PDZRN4: variants seen among roughly 807,000 people sequenced by gnomAD.
PDZRN4 encodes PDZ domain-containing RING finger protein 4.
A neutral mutation model predicts 99.0 loss-of-function variants in PDZRN4; 70 were observed. The observed-to-expected ratio is 0.71, with a 90% CI of 0.58 to 0.86. The LOEUF (loss-of-function observed/expected upper bound fraction) is 0.86, where lower values mean the gene tolerates loss of function less well. PDZRN4 is among the 40% of genes least tolerant of loss of function. The pLI is 0.00. For missense variants in PDZRN4, 1,474 were observed against 1,331.2 expected, an observed-to-expected ratio of 1.11 and a Z score of -1.67; for synonymous variants, 551 against 501.6, an observed-to-expected ratio of 1.10 and a Z score of -1.32.
At chr12:41,365,524 G>T (rs553451284) in intron 3 of PDZRN4, among the ~76,000 whole-genome samples, 153 of 152,124 alleles carry the variant, frequency 1.0e-3, no homozygotes, top group African/African-American at 3.0e-3. Context: ...TAATCATTAT[G>T]AAATAAATTA....
intron 3 of PDZRN4, among the ~76,000 whole-genome samples, chr12:41,325,608 C>A (rs1433870930): frequency 1.3e-5 from 2 of 152,060 alleles, no homozygotes; most frequent in African/African-American, 4.8e-5. Flanking sequence ...AGAAGGTCAG[C>A]TACGGGTTAG....
chr12:41,369,753 A>G (rs183496836), intron 3 of PDZRN4, among the ~76,000 whole-genome samples: 303 of 152,182 alleles, frequency 2.0e-3, no homozygotes, highest in African/African-American at 6.6e-3. Flanking sequence ...TGCTCTTTAT[A>G]AAGTAGCAGT....
rs554844178 is a variant in PDZRN4, at chr12:41,312,926, G to A, written c.843+118738G>A. On this transcript the variant is annotated intron_variant, in intron 3 of 9. Transcript: ENST00000402685. Reference sequence around the variant, plus strand: ...CTCCAGTGTCCGTTATGGCCAAATCGCACTGCCCTTCTTAGTGTTATGCCC... The same window carrying A: ...CTCCAGTGTCCGTTATGGCCAAATCACACTGCCCTTCTTAGTGTTATGCCC... 1.2e-3 allele frequency among the ~76,000 whole-genome samples: 187 copies of A among 152,164 alleles called. 1 individual carries two copies. The highest frequency in any genetic ancestry group is 6.8e-4 in the Non-Finnish European group (46 of 68,004).
At chr12:41,545,339 T>C (rs1220164207) in intron 5 of PDZRN4, among the ~76,000 whole-genome samples, 4 of 152,166 alleles carry the variant, frequency 2.6e-5, no homozygotes, top group Non-Finnish European at 2.9e-5. Flanking sequence ...CCTCTGTGCC[T>C]TTGCATGGTC....
chr12:41,450,890 T>C (rs1043162357), intron 3 of PDZRN4, among the ~76,000 whole-genome samples: 3 of 152,172 alleles, frequency 2.0e-5, no homozygotes, highest in African/African-American at 7.2e-5. Context: ...ATTGTGCCAC[T>C]GCACCCCTGC....
intron 3 of PDZRN4, among the ~76,000 whole-genome samples, chr12:41,411,279 C>T (rs769797047): frequency 6.6e-6 from 1 of 152,054 alleles, no homozygotes; most frequent in Non-Finnish European, 1.5e-5. Context: ...AAGTACAGCT[C>T]TCCTATTTGT....
intron 3 of PDZRN4, among the ~76,000 whole-genome samples, chr12:41,437,399 T>A (rs1952639360): frequency 6.6e-6 from 1 of 152,230 alleles, no homozygotes; most frequent in African/African-American, 2.4e-5. Flanking sequence ...TCTGAATTTC[T>A]TATTCCCATA....
At chr12:41,416,347 A>G (rs959733586) in intron 3 of PDZRN4, among the ~76,000 whole-genome samples, 8 of 152,192 alleles carry the variant, frequency 5.3e-5, no homozygotes, top group African/African-American at 1.7e-4. Flanking sequence ...CTTTCTGATT[A>G]AAAACATTTG....
At chr12:41,236,026 T>G (rs1213666870) in intron 3 of PDZRN4, among the ~76,000 whole-genome samples, 1 of 152,120 alleles carries the variant, frequency 6.6e-6, no homozygotes, top group African/African-American at 2.4e-5. Flanking sequence ...AACTCTACAT[T>G]TATTTGAAAT....
chr12:41,373,110 G>T (rs1211779733), intron 3 of PDZRN4, among the ~76,000 whole-genome samples: 1 of 152,152 alleles, frequency 6.6e-6, no homozygotes. Flanking sequence ...GGGAGTGTAT[G>T]AATAGGGTGT....
At chr12:41,433,050 T>G (rs891102765) in intron 3 of PDZRN4, among the ~76,000 whole-genome samples, 4 of 152,226 alleles carry the variant, frequency 2.6e-5, no homozygotes, top group South Asian at 4.1e-4. Flanking sequence ...TACTGATTAT[T>G]GTGGGACATT....
At chr12:41,206,707 G>T (rs1950853555) in intron 3 of PDZRN4, among the ~76,000 whole-genome samples, 2 of 151,794 alleles carry the variant, frequency 1.3e-5, no homozygotes, top group Admixed American at 1.3e-4. Context: ...ACTCTGTGCT[G>T]ATATATATGA....
intron 3 of PDZRN4, chr12:41,478,012 T>C: frequency 2.5e-6 from 2 of 789,004 alleles, no homozygotes; most frequent in South Asian, 1.6e-5. Context: ...AGGACAAATG[T>C]GGCTGCTTTG....
chr12:41,511,548 A>T (rs1486686137), intron 5 of PDZRN4, among the ~76,000 whole-genome samples: 2 of 152,108 alleles, frequency 1.3e-5, no homozygotes. Flanking sequence ...GTTCCTGTGA[A>T]ATTCAAATAA....
chr12:41,525,164 C>T (rs1258185713), intron 5 of PDZRN4, among the ~76,000 whole-genome samples: 1 of 152,034 alleles, frequency 6.6e-6, no homozygotes, highest in Admixed American at 6.6e-5. Context: ...GCCGCTATTG[C>T]AATACAGCAC....
At chr12:41,396,675 G>A (rs1411818493) in intron 3 of PDZRN4, among the ~76,000 whole-genome samples, 1 of 152,094 alleles carries the variant, frequency 6.6e-6, no homozygotes, top group South Asian at 2.1e-4. Context: ...CCACTTCCAA[G>A]ATCCACTTCC....
intron 3 of PDZRN4, among the ~76,000 whole-genome samples, chr12:41,500,186 C>A (rs578154989): frequency 6.6e-6 from 1 of 152,026 alleles, no homozygotes; most frequent in Non-Finnish European, 1.5e-5. Flanking sequence ...AGTAAGGGAA[C>A]AGACTACTGG....
intron 3 of PDZRN4, among the ~76,000 whole-genome samples, chr12:41,440,228 C>T (rs1952666788): frequency 6.6e-6 from 1 of 152,138 alleles, no homozygotes; most frequent in Non-Finnish European, 1.5e-5. Flanking sequence ...AATTGTAATT[C>T]TCAGATCATT....
chr12:41,489,166 A>C (rs1260632090), intron 3 of PDZRN4, among the ~76,000 whole-genome samples: 1 of 151,990 alleles, frequency 6.6e-6, no homozygotes, highest in Non-Finnish European at 1.5e-5. Context: ...TTCTTCTCCC[A>C]ATGTAGCCCA....
Sources: allele counts gnomAD v4.1 joint callset (sites outside exome capture counted in the v4.1 genomes callset), GRCh38; gene constraint gnomAD v4.1.1; transcripts MANE v1.5; gene names NCBI Gene and HGNC (gene_info 2026-07-23, HGNC 2026-07-21).